Variants in ADAM19 observed in about 807,000 individuals in gnomAD.
The protein encoded by ADAM19 is disintegrin and metalloproteinase domain-containing protein 19.
A neutral mutation model predicts 114.7 loss-of-function variants in ADAM19; 65 were observed. That is an observed-to-expected ratio of 0.57 (90% CI 0.46 to 0.70). The LOEUF is 0.70. Among genes scored for constraint, ADAM19 ranks in the 30% least tolerant of loss-of-function variants. ADAM19 has a pLI of 0.00. For synonymous variants in ADAM19, 466 were observed against 460.5 expected (o/e 1.01, Z -0.15); for missense variants, 1,063 against 1,204.7 (o/e 0.88, Z 1.74).
chr5:157,504,078 C>A (rs1402355798), intron 11 of ADAM19, among the ~76,000 whole-genome samples: 6 of 152,302 alleles, frequency 3.9e-5, no homozygotes, highest in Non-Finnish European at 4.4e-5. Flanking sequence ...GTTAAACTAT[C>A]CATATTTGTG....
At chr5:157,558,927 T>G (rs926960038) in intron 3 of ADAM19, among the ~76,000 whole-genome samples, 1 of 152,206 alleles carries the variant, frequency 6.6e-6, no homozygotes, top group African/African-American at 2.4e-5. Context: ...GTTAGGGAGC[T>G]AGATTACTCC....
At position 157,480,812 on chromosome 5, in the gene ADAM19, T is replaced by G. The variant is rs575724080; in HGVS notation, c.*137A>C. 2 of 1,493,280 alleles carry G rather than the reference T, an allele frequency of 1.3e-6. No individual in the cohort carries two copies. Among genetic ancestry groups the G allele is most frequent in the Non-Finnish European group, 1.8e-6 (2 of 1,126,432 alleles). 92.5% of individuals were successfully genotyped at this position (1,493,280 alleles called of 1,614,324 possible). A position where few individuals can be genotyped will look rare whatever the true frequency, so the allele number is the denominator to read the frequency against. On this transcript the variant is annotated 3_prime_UTR_variant, in exon 23 of 23. Transcript: ENST00000257527. ...AGGCACTGAGTCAACAGGGAGATTT[T>G]TGGAGATGTGGAGGTTCCTGGAGGA... is the stretch of plus-strand genomic sequence containing the variant.
chr5:157,491,594 C>G (rs1241199975), intron 18 of ADAM19, 21 bp downstream of exon 18: 1 of 1,456,954 alleles, frequency 6.9e-7, no homozygotes, highest in South Asian at 1.5e-5. Flanking sequence ...CGGGCAGTGG[C>G]CCCAGCAGGC....
In ADAM19 at chr5:157,479,803, GTCCA is replaced by G; in HGVS notation, c.*1142_*1145del. The G allele has an allele frequency of 1.0e-6, 1 of 985,570 alleles. No homozygotes were observed. The highest frequency in any genetic ancestry group is 1.2e-6 in the Non-Finnish European group (1 of 830,016). The allele number at this position is 985,570 out of a possible 1,614,324, so 61.1% of individuals were successfully genotyped here. On this transcript the variant is annotated 3_prime_UTR_variant, in exon 23 of 23. Coordinates refer to ENST00000257527, the MANE Select transcript of ADAM19 (RefSeq NM_033274.5). ...TCTGTTCTCTGCTCAGAGGGCAACG[GTCCA>G]GCCCGAAGTCAATGACCAGCCTGCT...
intron 5 of ADAM19, among the ~76,000 whole-genome samples, chr5:157,527,373 A>G (rs1756496235): frequency 6.6e-6 from 1 of 152,112 alleles, no homozygotes; most frequent in Non-Finnish European, 1.5e-5. Context: ...ACCACGCCTG[A>G]CTAATTTTTT....
chr5:157,541,288 TTG>T, intron 3 of ADAM19, among the ~76,000 whole-genome samples: 1 of 152,182 alleles, frequency 6.6e-6, no homozygotes, highest in Middle Eastern at 3.2e-3. Context: ...AGGAAACGAC[TTG>T]TGAGTGATGT....
chr5:157,508,504 G>C (rs575884549), intron 9 of ADAM19, among the ~76,000 whole-genome samples: 32 of 152,046 alleles, frequency 2.1e-4, no homozygotes, highest in African/African-American at 7.5e-4. Flanking sequence ...GGAGGCTGAG[G>C]CACTAGAATT....
Position 157,505,828 on chromosome 5 carries a change from G to C in ADAM19, c.991-20C>G. 1.2e-6 allele frequency: 2 copies of C among 1,611,490 alleles called. No individual in the cohort carries two copies. Among genetic ancestry groups the C allele is most frequent in the Non-Finnish European group, 1.7e-6 (2 of 1,178,036 alleles). On this transcript the variant is annotated intron_variant, in intron 10 of 22. Coordinates refer to ENST00000257527, the MANE Select transcript of ADAM19 (RefSeq NM_033274.5). ...GTGGTCCTGCTCAGAAGACAGAGTT[G>C]AGGTCAAGGTCAAGGGGACAGATCT...
At chr5:157,571,311 A>G (rs1401777577) in intron 1 of ADAM19, among the ~76,000 whole-genome samples, 1 of 152,216 alleles carries the variant, frequency 6.6e-6, no homozygotes, top group Non-Finnish European at 1.5e-5. Flanking sequence ...GATGATCAGC[A>G]TAGATGGCAT....
At chr5:157,526,069 T>A (rs932575885) in intron 5 of ADAM19, among the ~76,000 whole-genome samples, 1 of 152,142 alleles carries the variant, frequency 6.6e-6, no homozygotes, top group Non-Finnish European at 1.5e-5. Context: ...TAGATCTATG[T>A]ATACCTAAAA....
intron 11 of ADAM19, among the ~76,000 whole-genome samples, chr5:157,504,204 T>A (rs1193508912): frequency 6.6e-6 from 1 of 152,208 alleles, no homozygotes; most frequent in African/African-American, 2.4e-5. Context: ...CTTATAGGGA[T>A]CCAGGCATGA....
In ADAM19 at chr5:157,490,294, T is replaced by C. The variant is rs371716499; in HGVS notation, c.2240+16A>G. ...CCATAAATTGACCCTGAGTCCTCCA[T>C]TGAACCCTGTCATACCTGAACTGTT... is the stretch of plus-strand genomic sequence containing the variant. On this transcript the variant is annotated intron_variant, in intron 19 of 22. Transcript: ENST00000257527. 62 of 1,614,014 alleles carry C rather than the reference T, an allele frequency of 3.8e-5. No individual in the cohort carries two copies. In the African/African-American group the frequency reaches 4.3e-4, roughly 11 times the overall value.
chr5:157,495,015 A>T lies in ADAM19; in HGVS notation c.1595-220T>A, dbSNP rs1020668211. The stretch of plus-strand genomic sequence containing the variant: ...ATCCTTTTTTTTTTCTTTCAGATGG[A>T]TTCTCGCTCTGTCACCCAAGCTGTA... On this transcript the variant is annotated intron_variant, in intron 14 of 22. Transcript: ENST00000257527. Among the ~76,000 whole-genome samples, 3 of 151,190 alleles carry T rather than the reference A, an allele frequency of 2.0e-5. No individual in the cohort carries two copies. The East Asian group carries it at 5.8e-4, about 29-fold the overall frequency.
At chr5:157,489,271 GC>G (rs11466796) in intron 19 of ADAM19, 85 bp from the exon 20 acceptor site, 91,307 of 948,208 alleles carry the variant, frequency 0.096, 5,349 homozygotes, top group South Asian at 0.19. Flanking sequence ...CCCAAGCACG[GC>G]CAGCAAGCAG....
At chr5:157,571,865 T>C (rs1757836315) in intron 1 of ADAM19, among the ~76,000 whole-genome samples, 2 of 152,172 alleles carry the variant, frequency 1.3e-5, no homozygotes, top group Non-Finnish European at 2.9e-5. Flanking sequence ...GCCTGTAAAA[T>C]GAAGACAAAG....
chr5:157,566,585 G>A (rs915396734), intron 2 of ADAM19: 4 of 152,028 alleles, frequency 2.6e-5, no homozygotes, highest in Non-Finnish European at 5.9e-5. Flanking sequence ...AACTTTTTTC[G>A]AAGAAATAAA....
chr5:157,549,183 G>C (rs1419745557), intron 3 of ADAM19, among the ~76,000 whole-genome samples: 2 of 152,192 alleles, frequency 1.3e-5, no homozygotes, highest in African/African-American at 4.8e-5. Flanking sequence ...CTTCAAGTAT[G>C]TTTCCTAGAA....
chr5:157,508,466 G>A (rs997737018), intron 9 of ADAM19, among the ~76,000 whole-genome samples: 7 of 152,054 alleles, frequency 4.6e-5, no homozygotes, highest in South Asian at 2.1e-4. Context: ...AAAATTGGCC[G>A]GGCATGGTGG....
intron 6 of ADAM19, among the ~76,000 whole-genome samples, chr5:157,519,243 T>C (rs1678651620): frequency 6.6e-6 from 1 of 152,232 alleles, no homozygotes; most frequent in Admixed American, 6.5e-5. Context: ...CCATTTTCAG[T>C]ATGAATCAAT....
Sources: allele counts gnomAD v4.1 joint callset (sites outside exome capture counted in the v4.1 genomes callset), GRCh38; gene constraint gnomAD v4.1.1; transcripts MANE v1.5; gene names NCBI Gene and HGNC (gene_info 2026-07-23, HGNC 2026-07-21).